The following RPH3AL variants were observed in gnomAD, a reference collection of about 807,000 sequenced individuals.
RPH3AL encodes rab effector Noc2.
In RPH3AL, 38 loss-of-function variants were observed where a neutral mutation model predicts 43.1. The ratio of observed to expected loss-of-function variants is 0.88; its 90% CI spans 0.68 to 1.15. RPH3AL has a LOEUF of 1.15. Ranked by LOEUF, RPH3AL falls within the 50% of genes most tolerant of loss-of-function variation. RPH3AL has a pLI of 0.00. For synonymous variants in RPH3AL, 189 were observed against 176.3 expected (o/e 1.07, Z -0.57); for missense variants, 462 against 423.2 (o/e 1.09, Z -0.81).
chr17:273,314 C>T (rs2042559423), intron 6 of RPH3AL, among the ~76,000 whole-genome samples: 1 of 102,656 alleles, frequency 9.7e-6, no homozygotes, highest in African/African-American at 3.2e-5. Context: ...GAGACCCCAG[C>T]GAGGGTGATG....
Position 345,121 on chromosome 17 carries a change from C to G in RPH3AL, c.-213+7591G>C, listed in dbSNP as rs1193656795. On this transcript the variant is annotated intron_variant, in intron 1 of 9. Transcript: ENST00000331302. The stretch of plus-strand genomic sequence containing the variant: ...TTGTCTCTGAAAACACACACACACA[C>G]AGAAAAAATTAGCTGGGCTCAGTGA... 1.5e-5 allele frequency among the ~76,000 whole-genome samples: 2 copies of G among 135,008 alleles called. 1 individual carries two copies. The highest frequency in any genetic ancestry group is 3.4e-5 in the Non-Finnish European group (2 of 59,254). 88.6% of individuals were successfully genotyped at this position (135,008 alleles called of 152,430 possible). A position where few individuals can be genotyped will look rare whatever the true frequency, so the allele number is the denominator to read the frequency against.
At position 280,587 on chromosome 17, in the gene RPH3AL, A is replaced by G. The variant is rs552938253; in HGVS notation, c.438+1181T>C. The stretch of plus-strand genomic sequence containing the variant: ...GGGAAACAGAGAGAAACGGACTATT[A>G]TCACACAGGATGAGCGCACAAACCA... On this transcript the variant is annotated intron_variant, in intron 6 of 9. Transcript: ENST00000331302. Among the ~76,000 whole-genome samples, 9 of 152,332 alleles carry G rather than the reference A, an allele frequency of 5.9e-5. No homozygotes were observed. The South Asian group carries it at 1.2e-3, about 21-fold the overall frequency.
At chr17:316,492 A>T (rs1483903089) in intron 5 of RPH3AL, among the ~76,000 whole-genome samples, 48 of 143,516 alleles carry the variant, frequency 3.3e-4, no homozygotes, top group Non-Finnish European at 6.0e-4. Flanking sequence ...ACCTCCACTG[A>T]CCTGTAGTCT....
intron 7 of RPH3AL, among the ~76,000 whole-genome samples, chr17:241,320 CAGG>C (rs1360327424): frequency 6.6e-6 from 1 of 152,060 alleles, no homozygotes; most frequent in East Asian, 1.9e-4. Context: ...CACGTGAGCC[CAGG>C]AGGTCAAGGC....
chr17:293,858 G>A (rs984994729), intron 5 of RPH3AL, among the ~76,000 whole-genome samples: 12 of 152,060 alleles, frequency 7.9e-5, no homozygotes, highest in Admixed American at 3.9e-4. Flanking sequence ...GCGAAACCCC[G>A]TCTCTACTAA....
chr17:238,183 G>C (rs903978400), intron 7 of RPH3AL, among the ~76,000 whole-genome samples: 1 of 148,302 alleles, frequency 6.7e-6, no homozygotes, highest in Admixed American at 6.8e-5. Flanking sequence ...GAGAGAGAGA[G>C]AAAGAAAGGA....
At chr17:314,367 T>A (rs1270264571) in intron 5 of RPH3AL, among the ~76,000 whole-genome samples, 1 of 148,648 alleles carries the variant, frequency 6.7e-6, no homozygotes, top group African/African-American at 2.6e-5. Flanking sequence ...CAGGAGTCAC[T>A]GCCCGAGTCC....
chr17:339,821 C>G (rs1384946308), intron 1 of RPH3AL, among the ~76,000 whole-genome samples: 1 of 152,198 alleles, frequency 6.6e-6, no homozygotes, highest in Non-Finnish European at 1.5e-5. Context: ...ACAGAGTTCC[C>G]AGAAACTGTA....
At position 316,236 on chromosome 17, in the gene RPH3AL, C is replaced by A. The variant is rs1479594952; in HGVS notation, c.351+3184G>T. Among the ~76,000 whole-genome samples, 74 of 31,614 alleles carry A rather than the reference C, an allele frequency of 2.3e-3. 1 individual carries two copies. The highest frequency in any genetic ancestry group is 7.4e-3 in the African/African-American group (69 of 9,352). The allele number at this position is 31,614 out of a possible 152,430, so 20.7% of individuals were successfully genotyped here. ...TCCATTGACCTGTAGTCCCTGTGCC[C>A]CCACCTCCATTGACCTGTAGTCCCT... On this transcript the variant is annotated intron_variant, in intron 5 of 9. Transcript: ENST00000331302.
chr17:219,794 T>C (rs2040912077), intron 7 of RPH3AL, 58 bp from the exon 8 acceptor site: 3 of 1,316,536 alleles, frequency 2.3e-6, no homozygotes, highest in Middle Eastern at 1.8e-4. Flanking sequence ...CCTGCAGGCA[T>C]GGACGGAGGG....
intron 7 of RPH3AL, among the ~76,000 whole-genome samples, chr17:240,237 C>CAAAAAAAAAA (rs56048443): frequency 7.1e-6 from 1 of 140,212 alleles, no homozygotes; most frequent in Non-Finnish European, 1.6e-5. Flanking sequence ...AACTCCATCT[C>CAAAAAAAAAA]AAAAAAAAAA....
chr17:214,703 G>C (rs553554455), intron 9 of RPH3AL: 1 of 152,014 alleles, frequency 6.6e-6, no homozygotes, highest in Non-Finnish European at 1.5e-5. Flanking sequence ...CCAGGAGGTC[G>C]AGGCTGCAGT....
chr17:262,724 C>T (rs1055960246), intron 6 of RPH3AL, among the ~76,000 whole-genome samples: 1 of 152,142 alleles, frequency 6.6e-6, no homozygotes, highest in Non-Finnish European at 1.5e-5. Flanking sequence ...TAAGCCCATG[C>T]CCCGAGCCAT....
intron 1 of RPH3AL, among the ~76,000 whole-genome samples, chr17:343,881 T>G (rs2151732681): frequency 6.6e-6 from 1 of 152,282 alleles, no homozygotes; most frequent in South Asian, 2.1e-4. Context: ...ACAAAGCCTG[T>G]CACAGTGTGC....
chr17:219,081 G>A (rs1731928096), intron 8 of RPH3AL, among the ~76,000 whole-genome samples: 1 of 151,162 alleles, frequency 6.6e-6, no homozygotes, highest in Non-Finnish European at 1.5e-5. Flanking sequence ...CAAGGAGCCT[G>A]TTGTCCCATC....
At chr17:309,687 C>T (rs1188854884) in intron 5 of RPH3AL, among the ~76,000 whole-genome samples, 24 of 108,240 alleles carry the variant, frequency 2.2e-4, no homozygotes, top group South Asian at 6.2e-4. Flanking sequence ...ACGTCCCCTG[C>T]CCTGCCCCAG....
chr17:319,379 G>T (rs967908769), intron 5 of RPH3AL, 41 bp downstream of exon 5: 3 of 1,602,170 alleles, frequency 1.9e-6, no homozygotes, highest in Non-Finnish European at 2.6e-6. Flanking sequence ...GGCTGGTCCA[G>T]GCTGGGAAGC....
intron 5 of RPH3AL, among the ~76,000 whole-genome samples, chr17:301,761 G>C (rs556645850): frequency 1.3e-5 from 2 of 152,266 alleles, no homozygotes; most frequent in South Asian, 4.2e-4. Flanking sequence ...CCTGAGCCGA[G>C]CTGTGACCAC....
intron 6 of RPH3AL, among the ~76,000 whole-genome samples, chr17:266,911 G>A (rs949803289): frequency 7.2e-5 from 11 of 152,240 alleles, no homozygotes; most frequent in Admixed American, 3.3e-4. Context: ...GCTGGCTCCC[G>A]ATGCCTGTAG....
Sources: gnomAD v4.1 joint callset for allele counts (sites outside exome capture counted in the v4.1 genomes callset) on GRCh38, gnomAD v4.1.1 for gene constraint, MANE v1.5 for transcripts, NCBI Gene and HGNC (gene_info 2026-07-23, HGNC 2026-07-21) for gene names.